The following PELI2 variants were observed in gnomAD, a reference collection of about 807,000 sequenced individuals.
The protein encoded by PELI2 is E3 ubiquitin-protein ligase pellino homolog 2.
A neutral mutation model predicts 42.3 loss-of-function variants in PELI2; 23 were observed. That is an observed-to-expected ratio of 0.54 (90% CI 0.39 to 0.77). The LOEUF is 0.77. Among genes scored for constraint, PELI2 ranks in the 30% least tolerant of loss-of-function variants. PELI2 has a pLI of 0.00. For synonymous variants in PELI2, 245 were observed against 212.2 expected, an observed-to-expected ratio of 1.15 and a Z score of -1.34; for missense variants, 463 against 553.2, an observed-to-expected ratio of 0.84 and a Z score of 1.64.
chr14:56,151,922 A>T (rs564115302), intron 1 of PELI2, among the ~76,000 whole-genome samples: 1 of 152,296 alleles, frequency 6.6e-6, no homozygotes, highest in Non-Finnish European at 1.5e-5. Context: ...TTTCTCATCA[A>T]ATAGCCCAAA....
intron 5 of PELI2, 64 bp from the exon 6 acceptor site, chr14:56,296,536 A>G (rs898006452): frequency 2.0e-5 from 23 of 1,124,176 alleles, no homozygotes; most frequent in Non-Finnish European, 3.0e-5. Flanking sequence ...TCTGAGAGGA[A>G]AGAATCTTGG....
chr14:56,179,115 G>GA (rs573092692), intron 2 of PELI2, among the ~76,000 whole-genome samples: 126 of 152,136 alleles, frequency 8.3e-4, no homozygotes, highest in African/African-American at 2.9e-3. Context: ...ATAAGTCGAG[G>GA]AAAAAATCTG....
rs139677541 is a variant in PELI2, at chr14:56,280,007, C to A, written c.309+230C>A. Reference sequence around the variant, plus strand: ...CAGACCTCAGTGCAATAAAAATAGACATTAATTAAGCAAGAATAAAAATTT... The same window carrying A: ...CAGACCTCAGTGCAATAAAAATAGAAATTAATTAAGCAAGAATAAAAATTT... On this transcript the variant is annotated intron_variant, in intron 3 of 5. Transcript: ENST00000267460. Among the ~76,000 whole-genome samples, 470 of 152,144 alleles carry A rather than the reference C, an allele frequency of 3.1e-3. 1 individual carries two copies. Among genetic ancestry groups the A allele is most frequent in the African/African-American group, 0.011 (438 of 41,544 alleles).
At chr14:56,174,091 C>T (rs1885280144) in intron 1 of PELI2, among the ~76,000 whole-genome samples, 1 of 152,246 alleles carries the variant, frequency 6.6e-6, no homozygotes, top group East Asian at 1.9e-4. Context: ...TAAGTAGAGA[C>T]AGGGTTTCAC....
intron 2 of PELI2, among the ~76,000 whole-genome samples, chr14:56,245,441 G>A (rs558428870): frequency 6.6e-6 from 1 of 152,214 alleles, no homozygotes; most frequent in East Asian, 1.9e-4. Context: ...GTAAAACCAT[G>A]TATGATAAAC....
chr14:56,202,926 T>C (rs1886385267), intron 2 of PELI2, among the ~76,000 whole-genome samples: 2 of 152,138 alleles, frequency 1.3e-5, no homozygotes, highest in East Asian at 3.8e-4. Context: ...AAGTTGCCCT[T>C]TATTAAAAGA....
At chr14:56,123,980 T>A (rs1294659300) in intron 1 of PELI2, among the ~76,000 whole-genome samples, 1 of 152,176 alleles carries the variant, frequency 6.6e-6, no homozygotes, top group Non-Finnish European at 1.5e-5. Flanking sequence ...ACCTCATTGG[T>A]ATGGGAGAAA....
At chr14:56,191,791 G>A (rs1326565506) in intron 2 of PELI2, among the ~76,000 whole-genome samples, 1 of 152,182 alleles carries the variant, frequency 6.6e-6, no homozygotes, top group Non-Finnish European at 1.5e-5. Flanking sequence ...TTTTTAGTAA[G>A]TTTTGCTCTA....
chr14:56,132,472 C>T (rs117717278), intron 1 of PELI2, among the ~76,000 whole-genome samples: 1,995 of 152,286 alleles, frequency 0.013, 26 homozygotes, highest in Non-Finnish European at 0.022. Flanking sequence ...CTGTGGGACT[C>T]CTGTCGTGGG....
chr14:56,236,058 T>A (rs1042865225), intron 2 of PELI2, among the ~76,000 whole-genome samples: 1 of 152,212 alleles, frequency 6.6e-6, no homozygotes, highest in Non-Finnish European at 1.5e-5. Flanking sequence ...TTTAAAAAAA[T>A]TATCACTTTA....
In PELI2 at chr14:56,288,604, A is replaced by C; in HGVS notation, c.477A>C (p.Gly159=). 1 of 1,613,818 alleles carries C rather than the reference A, an allele frequency of 6.2e-7. No homozygotes were observed. The highest frequency in any genetic ancestry group is 8.5e-7 in the Non-Finnish European group (1 of 1,179,860). Residue 159 remains glycine, a synonymous_variant, in exon 4 of 6, where the codon GGA becomes GGC. Coordinates refer to ENST00000267460, the MANE Select transcript of PELI2 (RefSeq NM_021255.3). The surrounding 1 kb of genome is among the most constrained non-coding windows in gnomAD (Gnocchi z 4.6). ...ACACAGCACGGATATTCGCCGCCGG[A>C]TTTGACTCTTCCAAAAACATATTTC... is the stretch of plus-strand genomic sequence containing the variant. The part of the protein sequence containing the change: ...EPYTARIFAA[G]FDSSKNIFLG...
At chr14:56,205,477 T>C (rs189137623) in intron 2 of PELI2, among the ~76,000 whole-genome samples, 74 of 151,730 alleles carry the variant, frequency 4.9e-4, no homozygotes, top group African/African-American at 1.8e-3. Flanking sequence ...AAGGCAGGAG[T>C]GACCTGAGCT....
At chr14:56,203,326 C>A (rs149697796) in intron 2 of PELI2, among the ~76,000 whole-genome samples, 1 of 152,032 alleles carries the variant, frequency 6.6e-6, no homozygotes, top group African/African-American at 2.4e-5. Flanking sequence ...GGTGACAAAG[C>A]GAGACTCTGT....
chr14:56,262,422 T>G (rs1425681898), intron 2 of PELI2, among the ~76,000 whole-genome samples: 2 of 152,326 alleles, frequency 1.3e-5, no homozygotes, highest in East Asian at 3.9e-4. Flanking sequence ...TGTTTTATTA[T>G]AAGCAAAAAG....
intron 1 of PELI2, among the ~76,000 whole-genome samples, chr14:56,170,240 T>C (rs904981520): frequency 1.3e-5 from 2 of 152,218 alleles, no homozygotes; most frequent in African/African-American, 4.8e-5. Flanking sequence ...GTGATGCTGA[T>C]GCAACCTCCA....
intron 2 of PELI2, among the ~76,000 whole-genome samples, chr14:56,230,522 A>G (rs1320945643): frequency 6.6e-6 from 1 of 152,190 alleles, no homozygotes; most frequent in Non-Finnish European, 1.5e-5. Flanking sequence ...TGAAGGAGAA[A>G]TAAAATCCTT....
intron 1 of PELI2, among the ~76,000 whole-genome samples, chr14:56,156,358 C>G (rs915941833): frequency 3.3e-5 from 5 of 152,110 alleles, no homozygotes; most frequent in African/African-American, 1.2e-4. Flanking sequence ...AGGACATTTT[C>G]TTAATTACCA....
At chr14:56,124,005 G>A (rs552246964) in intron 1 of PELI2, among the ~76,000 whole-genome samples, 11 of 152,150 alleles carry the variant, frequency 7.2e-5, no homozygotes, top group African/African-American at 2.7e-4. Flanking sequence ...ACTGTGAAAA[G>A]GAATTTATAA....
rs150528253 is a variant in PELI2, at chr14:56,265,506, G to C, written c.208-14170G>C. ...ATAAAACTAAATATAAAACTTCTAA[G>C]AGAAAACATAGAAGAAAAATCTTTG... On this transcript the variant is annotated intron_variant, in intron 2 of 5. Coordinates refer to ENST00000267460, the MANE Select transcript of PELI2 (RefSeq NM_021255.3). 6.0e-3 allele frequency among the ~76,000 whole-genome samples: 912 copies of C among 152,120 alleles called. 10 individuals are homozygous for C. Among genetic ancestry groups the C allele is most frequent in the African/African-American group, 0.02 (833 of 41,554 alleles).
Sources: allele counts gnomAD v4.1 joint callset (sites outside exome capture counted in the v4.1 genomes callset), GRCh38; gene constraint gnomAD v4.1.1; non-coding constraint Gnocchi (gnomAD v3.1); transcripts MANE v1.5; gene names NCBI Gene and HGNC (gene_info 2026-07-23, HGNC 2026-07-21).